The following ANO10 variants were observed in gnomAD, a reference collection of about 807,000 sequenced individuals.
ANO10 encodes the protein anoctamin 10, also known as anoctamin-10.
A neutral mutation model predicts 74.7 loss-of-function variants in ANO10; 77 were observed. The observed-to-expected ratio is 1.03, with a 90% CI of 0.86 to 1.25. The LOEUF (loss-of-function observed/expected upper bound fraction) is 1.25, where lower values mean the gene tolerates loss of function less well. ANO10 is among the 50% of genes most tolerant of loss of function. The probability of loss-of-function intolerance (pLI) is 0.00; values close to 1 mark genes in which losing one functional copy is unlikely to be tolerated. For missense variants in ANO10, 721 were observed against 778.1 expected (o/e 0.93, Z 0.87); for synonymous variants, 279 against 284.9 (o/e 0.98, Z 0.21).
At chr3:43,516,470 G>C (rs1032342808) in intron 11 of ANO10, among the ~76,000 whole-genome samples, 13 of 151,820 alleles carry the variant, frequency 8.6e-5, no homozygotes, top group Non-Finnish European at 1.5e-4. Context: ...AGACAGATAA[G>C]AGGAGATTAC....
intron 1 of ANO10, among the ~76,000 whole-genome samples, chr3:43,649,422 C>T (rs1052937031): frequency 1.3e-5 from 2 of 152,098 alleles, no homozygotes; most frequent in Non-Finnish European, 2.9e-5. Context: ...CATGTAAGAG[C>T]AGGAACCATA....
At chr3:43,682,027 A>G (rs1019077306) in intron 1 of ANO10, among the ~76,000 whole-genome samples, 1 of 152,226 alleles carries the variant, frequency 6.6e-6, no homozygotes, top group Non-Finnish European at 1.5e-5. Flanking sequence ...GAAATAGAGA[A>G]GCAAGAGCAA....
chr3:43,526,127 A>G (rs1479789280), intron 11 of ANO10, among the ~76,000 whole-genome samples: 1 of 152,236 alleles, frequency 6.6e-6, no homozygotes, highest in African/African-American at 2.4e-5. Context: ...AACCTTAAAA[A>G]GGCTGCCAAC....
chr3:43,520,366 G>C (rs2077897055), intron 11 of ANO10, among the ~76,000 whole-genome samples: 1 of 152,132 alleles, frequency 6.6e-6, no homozygotes, highest in Non-Finnish European at 1.5e-5. Flanking sequence ...TAAGGTGCTG[G>C]CAAATTTGGT....
chr3:43,461,144 GAAGA>G (rs1467689261), intron 11 of ANO10, among the ~76,000 whole-genome samples: 4 of 151,834 alleles, frequency 2.6e-5, no homozygotes, highest in Non-Finnish European at 1.5e-5. Context: ...AAGAATAAAA[GAAGA>G]AAGACATAAA....
chr3:43,655,974 T>G lies in ANO10; in HGVS notation c.-12+35543A>C, dbSNP rs578258859. Reference sequence around the variant, plus strand: ...GCTAGATACAGAGTGCCGATTGGTGTATTTACAATCCCTGAGCTAGACATA... The same window carrying G: ...GCTAGATACAGAGTGCCGATTGGTGGATTTACAATCCCTGAGCTAGACATA... On this transcript the variant is annotated intron_variant, in intron 1 of 3. Transcript: ENST00000413397. Among the ~76,000 whole-genome samples the G allele has an allele frequency of 4.7e-3, 336 of 71,914 alleles. 4 individuals are homozygous for G. Among genetic ancestry groups the G allele is most frequent in the African/African-American group, 0.018 (302 of 16,528 alleles). The allele number at this position is 71,914 out of a possible 152,430, so 47.2% of individuals were successfully genotyped here.
At position 43,432,738 on chromosome 3, in the gene ANO10, G is replaced by A; in HGVS notation, c.1798-11C>T. On this transcript the variant is annotated splice_polypyrimidine_tract_variant and intron_variant, in intron 11 of 12. Transcript: ENST00000292246. ...AGCCAGGAGTGCGTGCTGAAAACAA[G>A]AAAGAGTACATGTTGATGTGATACA... 6.4e-7 allele frequency: 1 copy of A among 1,557,444 alleles called. No individual in the cohort carries two copies. Among genetic ancestry groups the A allele is most frequent in the Non-Finnish European group, 8.9e-7 (1 of 1,128,838 alleles).
At chr3:43,487,518 C>T (rs1183503037) in intron 11 of ANO10, among the ~76,000 whole-genome samples, 62 of 151,906 alleles carry the variant, frequency 4.1e-4, no homozygotes, top group Admixed American at 3.8e-3. Context: ...CAACTTCTTC[C>T]TGGTTTAGTC....
At chr3:43,675,953 CA>C (rs2084115609) in intron 1 of ANO10, among the ~76,000 whole-genome samples, 1 of 152,166 alleles carries the variant, frequency 6.6e-6, no homozygotes, top group Non-Finnish European at 1.5e-5. Flanking sequence ...TGGAATCACA[CA>C]AAAACCTGTA....
intron 11 of ANO10, among the ~76,000 whole-genome samples, chr3:43,458,954 A>T (rs2075262140): frequency 6.6e-6 from 1 of 152,086 alleles, no homozygotes; most frequent in Non-Finnish European, 1.5e-5. Flanking sequence ...TGATGATTAA[A>T]CCTATTTCTT....
At chr3:43,690,837 C>T in intron 1 of ANO10, 1 of 677,980 alleles carries the variant, frequency 1.5e-6, no homozygotes, top group Non-Finnish European at 2.2e-6. Context: ...AGGCCGCGCA[C>T]GCGCAAACGC....
intron 12 of ANO10, among the ~76,000 whole-genome samples, chr3:43,379,644 C>T (rs971522721): frequency 5.9e-5 from 9 of 152,136 alleles, no homozygotes; most frequent in African/African-American, 2.2e-4. Context: ...ATAAACTCAG[C>T]GCTGTTGTGG....
At chr3:43,376,727 C>T (rs1415475010) in intron 12 of ANO10, among the ~76,000 whole-genome samples, 2 of 152,196 alleles carry the variant, frequency 1.3e-5, no homozygotes, top group African/African-American at 4.8e-5. Flanking sequence ...CAGTTTGCCT[C>T]CAAATCACAG....
At chr3:43,681,781 A>G (rs971733331) in intron 1 of ANO10, among the ~76,000 whole-genome samples, 1 of 152,242 alleles carries the variant, frequency 6.6e-6, no homozygotes, top group Admixed American at 6.5e-5. Context: ...AAACTCACTC[A>G]AAACCGCTCA....
At chr3:43,593,194 T>G (rs1368072067) in intron 4 of ANO10, among the ~76,000 whole-genome samples, 3 of 152,184 alleles carry the variant, frequency 2.0e-5, no homozygotes, top group Non-Finnish European at 4.4e-5. Flanking sequence ...TTCAGGATAT[T>G]ATCCAAGAGA....
At chr3:43,680,914 A>G (rs565743206) in intron 1 of ANO10, among the ~76,000 whole-genome samples, 148 of 152,336 alleles carry the variant, frequency 9.7e-4, no homozygotes, top group African/African-American at 3.5e-3. Context: ...GCCCTAAAAG[A>G]GCTCCTGAAG....
intron 4 of ANO10, among the ~76,000 whole-genome samples, chr3:43,588,443 T>A (rs1275987073): frequency 2.6e-5 from 4 of 151,974 alleles, no homozygotes; most frequent in Admixed American, 1.3e-4. Flanking sequence ...AAAGATATTT[T>A]AAGCACACAA....
At chr3:43,627,441 CA>C (rs2083503002) in intron 1 of ANO10, among the ~76,000 whole-genome samples, 1 of 152,264 alleles carries the variant, frequency 6.6e-6, no homozygotes, top group Admixed American at 6.5e-5. Flanking sequence ...TGAATGTGGA[CA>C]CCTTAATCTG....
intron 12 of ANO10, among the ~76,000 whole-genome samples, chr3:43,395,507 T>C (rs1366325359): frequency 6.6e-6 from 1 of 152,230 alleles, no homozygotes; most frequent in Non-Finnish European, 1.5e-5. Context: ...TGCACATGAA[T>C]ATCCAATTGT....
Sources: allele counts gnomAD v4.1 joint callset (sites outside exome capture counted in the v4.1 genomes callset), GRCh38; gene constraint gnomAD v4.1.1; transcripts MANE v1.5; gene names NCBI Gene and HGNC (gene_info 2026-07-23, HGNC 2026-07-21).